Variants in NR2C2 observed in about 807,000 individuals in gnomAD.
NR2C2 encodes the protein nuclear receptor subfamily 2 group C member 2.
A neutral mutation model predicts 62.9 loss-of-function variants in NR2C2; 6 were observed. The ratio of observed to expected loss-of-function variants is 0.10; its 90% CI spans 0.05 to 0.19. The LOEUF (loss-of-function observed/expected upper bound fraction) is 0.19. NR2C2 is among the 10% of genes least tolerant of loss of function. The pLI is 1.00. For missense variants in NR2C2, 479 were observed against 762.7 expected (o/e 0.63, Z 4.38); for synonymous variants, 272 against 273.8 (o/e 0.99, Z 0.07).
intron 7 of NR2C2, 47 bp from the exon 8 acceptor site, chr3:15,028,532 GAGTCATT>G: frequency 6.4e-7 from 1 of 1,569,834 alleles, no homozygotes; most frequent in Non-Finnish European, 8.7e-7. Flanking sequence ...ATTGGCCTGA[GAGTCATT>G]TGCGTATCTG....
intron 1 of NR2C2, among the ~76,000 whole-genome samples, chr3:15,000,159 T>A (rs1218367950): frequency 6.6e-6 from 1 of 152,198 alleles, no homozygotes; most frequent in Non-Finnish European, 1.5e-5. Flanking sequence ...TTGACCTGAC[T>A]TTCATCTCCC....
chr3:14,957,638 A>G (rs1347989762), intron 1 of NR2C2, among the ~76,000 whole-genome samples: 1 of 152,098 alleles, frequency 6.6e-6, no homozygotes, highest in Non-Finnish European at 1.5e-5. Flanking sequence ...CTGGATATGA[A>G]ATAGTTTTTA....
chr3:14,963,024 C>T (rs7643659), intron 1 of NR2C2, among the ~76,000 whole-genome samples: 16,670 of 152,056 alleles, frequency 0.11, 1,061 homozygotes, highest in Middle Eastern at 0.17. Flanking sequence ...GGGATTTGAT[C>T]CTGGAGGTGG....
chr3:14,999,494 C>G (rs1176301865), intron 1 of NR2C2, among the ~76,000 whole-genome samples: 1 of 151,564 alleles, frequency 6.6e-6, no homozygotes. Context: ...TCTTGTCCCC[C>G]CCAAAAAAAA....
intron 1 of NR2C2, among the ~76,000 whole-genome samples, chr3:14,969,882 T>C (rs189719310): frequency 3.3e-5 from 5 of 152,246 alleles, no homozygotes; most frequent in African/African-American, 1.2e-4. Context: ...TTTAAAAACA[T>C]AGAGCTCTCC....
chr3:15,013,735 C>T lies in NR2C2; in HGVS notation c.219C>T (p.Ser73=), dbSNP rs774438147. The change falls in exon 3 of 14, where the codon AGC becomes AGT. Residue 73 remains serine (S), a synonymous_variant. Transcript: ENST00000425241. ...TCCTGGCTTCCCCAGAGACATCCAG[C>T]GCCAAGCAACTCATATTCACCACCT... ...KVILASPETS[S]AKQLIFTTSD... is the part of the protein sequence containing the mutation. 1.8e-5 allele frequency: 29 copies of T among 1,614,072 alleles called. No homozygotes were observed. The highest frequency in any genetic ancestry group is 2.2e-5 in the Non-Finnish European group (26 of 1,180,036).
chr3:14,967,693 A>G (rs946094275), intron 1 of NR2C2, among the ~76,000 whole-genome samples: 2 of 152,218 alleles, frequency 1.3e-5, no homozygotes, highest in African/African-American at 4.8e-5. Context: ...GAAATTTTCT[A>G]AAGGGGCTTC....
chr3:15,024,269 T>C (rs1388121549), intron 7 of NR2C2, 61 bp downstream of exon 7: 1 of 1,170,090 alleles, frequency 8.5e-7, no homozygotes, highest in Non-Finnish European at 1.2e-6. Context: ...GCTGCTTCTC[T>C]AACTGTGTGC....
chr3:15,042,291 G>C (rs545451709), intron 13 of NR2C2, among the ~76,000 whole-genome samples: 50 of 152,228 alleles, frequency 3.3e-4, no homozygotes, highest in African/African-American at 1.2e-3. Context: ...ATGAACACTG[G>C]AAATTAGAGC....
At chr3:14,995,657 C>T (rs898986764) in intron 1 of NR2C2, among the ~76,000 whole-genome samples, 7 of 116,216 alleles carry the variant, frequency 6.0e-5, no homozygotes, top group African/African-American at 2.2e-4. Flanking sequence ...TCTGTGGACA[C>T]GTTTTCATTA....
intron 13 of NR2C2, among the ~76,000 whole-genome samples, chr3:15,039,890 C>A (rs932587833): frequency 6.6e-6 from 1 of 152,160 alleles, no homozygotes; most frequent in African/African-American, 2.4e-5. Context: ...GTGGCTCACG[C>A]CTGTAATCCC....
intron 1 of NR2C2, among the ~76,000 whole-genome samples, chr3:14,987,969 CAT>C (rs762287155): frequency 3.9e-5 from 6 of 152,342 alleles, no homozygotes; most frequent in Non-Finnish European, 7.4e-5. Context: ...ATCCCGGAAA[CAT>C]AGCATAATTT....
intron 1 of NR2C2, among the ~76,000 whole-genome samples, chr3:14,984,343 C>T (rs1026628033): frequency 3.3e-5 from 5 of 151,968 alleles, no homozygotes; most frequent in Non-Finnish European, 5.9e-5. Context: ...CTTCTACTTT[C>T]TTTGCACCTA....
Position 15,046,685 on chromosome 3 carries a change from G to A in NR2C2, c.*3677G>A, listed in dbSNP as rs1002958755. ...GACTTTATGTGCAATGGGGTCATAG[G>A]TAACATTTTAACTCTTTTCTTAGTC... is the stretch of plus-strand genomic sequence containing the variant. On this transcript the variant is annotated 3_prime_UTR_variant, in exon 14 of 14. Transcript: ENST00000425241. 12 of 152,518 alleles carry A rather than the reference G, an allele frequency of 7.9e-5. No individual in the cohort carries two copies. The highest frequency in any genetic ancestry group is 2.6e-4 in the African/African-American group (11 of 41,572). 9.4% of individuals were successfully genotyped at this position (152,518 alleles called of 1,614,324 possible).
In NR2C2 at chr3:15,038,066, A is replaced by G. The variant is rs1334333168; in HGVS notation, c.1439A>G (p.Asn480Ser). The G allele has an allele frequency of 6.2e-7, 1 of 1,614,184 alleles. No homozygotes were observed. Among genetic ancestry groups the G allele is most frequent in the South Asian group, 1.1e-5 (1 of 91,084 alleles). ...EHIWKLQEFC[N>S]SMAKLDIDGY... ...ATCTGGAAGCTGCAGGAGTTCTGTAACAGCATGGCGAAGCTGGATATAGAT... is the reference window on the plus strand; with the variant it reads ...ATCTGGAAGCTGCAGGAGTTCTGTAGCAGCATGGCGAAGCTGGATATAGAT... Residue 480 changes from asparagine (N) to serine (S), a missense_variant, in exon 12 of 14, where the codon AAC (asparagine) becomes AGC (serine). Around this residue, in one of 4 missense-constraint regions of NR2C2, gnomAD observed 162 missense variants for 296.8 expected, o/e 0.55. Transcript: ENST00000425241.
At chr3:14,952,527 G>A (rs2039397197) in intron 1 of NR2C2, among the ~76,000 whole-genome samples, 2 of 152,204 alleles carry the variant, frequency 1.3e-5, no homozygotes, top group South Asian at 4.1e-4. Flanking sequence ...TAGACCCCAA[G>A]TCCAGCCTTG....
chr3:15,039,207 C>T lies in NR2C2; in HGVS notation c.1596C>T (p.Thr532=), dbSNP rs766893978. The T allele has an allele frequency of 6.2e-7, 1 of 1,613,746 alleles. No individual in the cohort carries two copies. Among genetic ancestry groups the T allele is most frequent in the South Asian group, 1.1e-5 (1 of 91,072 alleles). The change falls in exon 13 of 14, where the codon ACC becomes ACT. Residue 532 remains threonine (T), a synonymous_variant. Transcript: ENST00000425241. ...AGTTGCAGGACTATGTTCAGAAAAC[C>T]TACTCAGAAGACACCTACCGGTGAG... ...QMELQDYVQK[T]YSEDTYRLAR... is the part of the protein sequence containing the mutation.
intron 1 of NR2C2, among the ~76,000 whole-genome samples, chr3:14,973,011 T>A (rs1048911480): frequency 1.3e-5 from 2 of 152,176 alleles, no homozygotes; most frequent in Admixed American, 6.5e-5. Context: ...GACATGAGAT[T>A]GGTTGGGGGA....
intron 12 of NR2C2, 46 bp from the exon 13 acceptor site, chr3:15,039,076 T>G: frequency 7.0e-7 from 1 of 1,432,308 alleles, no homozygotes; most frequent in Non-Finnish European, 9.8e-7. Context: ...AAGTGAGACT[T>G]TTCAAATACA....
Sources: allele counts gnomAD v4.1 joint callset (sites outside exome capture counted in the v4.1 genomes callset), GRCh38; gene constraint gnomAD v4.1.1; regional missense constraint gnomAD v4.1.1; transcripts MANE v1.5; gene names NCBI Gene and HGNC (gene_info 2026-07-23, HGNC 2026-07-21).